Variants in SLC2A13 observed in about 807,000 individuals in gnomAD.
SLC2A13 encodes the protein proton myo-inositol cotransporter.
SLC2A13 carries 32 observed loss-of-function variants against 64.4 expected under a neutral mutation model. The ratio of observed to expected loss-of-function variants is 0.50; its 90% confidence interval spans 0.37 to 0.67. The LOEUF (loss-of-function observed/expected upper bound fraction) is 0.67. Among genes scored for constraint, SLC2A13 ranks in the 30% least tolerant of loss-of-function variants. The pLI, the probability that SLC2A13 is intolerant of heterozygous loss-of-function variation, is 0.00. For missense variants in SLC2A13, 743 were observed against 829.2 expected (o/e 0.90, Z 1.28); for synonymous variants, 338 against 327.1 (o/e 1.03, Z -0.36).
chr12:40,014,933 T>C (rs1947598858), intron 3 of SLC2A13, among the ~76,000 whole-genome samples: 1 of 152,206 alleles, frequency 6.6e-6, no homozygotes, highest in African/African-American at 2.4e-5. Flanking sequence ...GGAAAAATAA[T>C]TTTCTAAGAC....
intron 2 of SLC2A13, among the ~76,000 whole-genome samples, chr12:40,032,240 G>A (rs1051126750): frequency 6.6e-6 from 1 of 152,136 alleles, no homozygotes; most frequent in Non-Finnish European, 1.5e-5. Context: ...TGAACAACAA[G>A]CACCCAAGGT....
chr12:39,936,462 C>G (rs968230123), intron 4 of SLC2A13, among the ~76,000 whole-genome samples: 1 of 152,182 alleles, frequency 6.6e-6, no homozygotes, highest in African/African-American at 2.4e-5. Context: ...GAGCAAGTGA[C>G]TCTCTAGTTT....
chr12:39,788,345 A>T (rs1300788991), intron 7 of SLC2A13, among the ~76,000 whole-genome samples: 1 of 152,160 alleles, frequency 6.6e-6, no homozygotes, highest in East Asian at 1.9e-4. Flanking sequence ...AGTAACAAAT[A>T]AGGGTTACTT....
At chr12:39,781,222 C>T (rs1258327357) in intron 7 of SLC2A13, among the ~76,000 whole-genome samples, 2 of 152,192 alleles carry the variant, frequency 1.3e-5, no homozygotes, top group African/African-American at 4.8e-5. Flanking sequence ...GAGTTTTCTA[C>T]CAGTTCGGTG....
At position 39,759,965 on chromosome 12, in the gene SLC2A13, C is replaced by T. The variant is rs573078930; in HGVS notation, c.*61G>A. On this transcript the variant is annotated 3_prime_UTR_variant, in exon 10 of 10. Coordinates refer to ENST00000280871, the MANE Select transcript of SLC2A13 (RefSeq NM_052885.4). ...GATTAGAAGCAGGGCAGTGAAGTCA[C>T]CAATTGCTGTTCTTCTCCCCCCAGT... 372 of 1,302,366 alleles carry T rather than the reference C, an allele frequency of 2.9e-4. No homozygotes were observed. Among genetic ancestry groups the T allele is most frequent in the Non-Finnish European group, 1.8e-4 (163 of 910,078 alleles). 80.7% of individuals were successfully genotyped at this position (1,302,366 alleles called of 1,614,324 possible).
intron 1 of SLC2A13, 24 bp from the exon 2 acceptor site, chr12:40,048,234 T>G: frequency 6.3e-7 from 1 of 1,580,096 alleles, no homozygotes; most frequent in South Asian, 1.2e-5. Flanking sequence ...GAAAAGTAAA[T>G]GTGAGACATT....
At chr12:39,785,353 C>T (rs1041780750) in intron 7 of SLC2A13, among the ~76,000 whole-genome samples, 1 of 152,226 alleles carries the variant, frequency 6.6e-6, no homozygotes, top group Admixed American at 6.5e-5. Context: ...AGCCCTAAGC[C>T]TTGGCAGCTT....
chr12:40,099,388 T>C (rs536459884), intron 1 of SLC2A13, among the ~76,000 whole-genome samples: 16 of 152,102 alleles, frequency 1.1e-4, no homozygotes, highest in African/African-American at 3.4e-4. Context: ...AAAAAGAAAA[T>C]TAGACTCAGG....
intron 1 of SLC2A13, among the ~76,000 whole-genome samples, chr12:40,094,009 T>G (rs1020101471): frequency 1.3e-5 from 2 of 152,144 alleles, no homozygotes; most frequent in African/African-American, 4.8e-5. Context: ...AGCAGACTCT[T>G]GAAATACTCC....
intron 7 of SLC2A13, among the ~76,000 whole-genome samples, chr12:39,827,320 T>C (rs1942723434): frequency 6.6e-6 from 1 of 152,168 alleles, no homozygotes. Context: ...TTTCCATTTG[T>C]AGTCCCAAAT....
Position 40,028,517 on chromosome 12 carries a change from G to A in SLC2A13, c.717-8C>T, listed in dbSNP as rs1565596408. 1.9e-6 allele frequency: 3 copies of A among 1,607,270 alleles called. No homozygotes were observed. The highest frequency in any genetic ancestry group is 1.7e-6 in the Non-Finnish European group (2 of 1,178,048). On this transcript the variant is annotated splice_region_variant and splice_polypyrimidine_tract_variant and intron_variant, in intron 2 of 9. Transcript: ENST00000280871. ...GCAAGTCCCAACATGTACCTGCAAA[G>A]AAAAAAAATCCACATTTACTGTAAA...
At chr12:39,889,796 T>C (rs1433279741) in intron 4 of SLC2A13, among the ~76,000 whole-genome samples, 4 of 152,080 alleles carry the variant, frequency 2.6e-5, no homozygotes, top group Non-Finnish European at 4.4e-5. Flanking sequence ...TCCCAAAGTG[T>C]TGGGATTACA....
At chr12:40,002,584 T>A (rs1010433148) in intron 3 of SLC2A13, among the ~76,000 whole-genome samples, 2 of 152,152 alleles carry the variant, frequency 1.3e-5, no homozygotes, top group African/African-American at 4.8e-5. Flanking sequence ...GAACAAATGA[T>A]CTTCAATTCA....
chr12:39,905,809 A>C (rs2136028292), intron 4 of SLC2A13, among the ~76,000 whole-genome samples: 1 of 125,530 alleles, frequency 8.0e-6, no homozygotes, highest in African/African-American at 3.0e-5. Context: ...CTAGGCCTTT[A>C]TTAAAATGCC....
At chr12:39,871,431 A>G (rs891751842) in intron 5 of SLC2A13, among the ~76,000 whole-genome samples, 1 of 152,100 alleles carries the variant, frequency 6.6e-6, no homozygotes, top group Admixed American at 6.5e-5. Flanking sequence ...TTAAAAATAT[A>G]TGTTAAAAAG....
chr12:40,024,873 G>A (rs191199005), intron 3 of SLC2A13, among the ~76,000 whole-genome samples: 83 of 152,216 alleles, frequency 5.5e-4, no homozygotes, highest in African/African-American at 1.9e-3. Flanking sequence ...AAAAGAAACT[G>A]AGGCGCGGCA....
chr12:39,917,670 G>A lies in SLC2A13; in HGVS notation c.1034+33587C>T, dbSNP rs149361059. Among the ~76,000 whole-genome samples, 14 of 152,046 alleles carry A rather than the reference G, an allele frequency of 9.2e-5. 1 individual carries two copies. The highest frequency in any genetic ancestry group is 2.2e-4 in the African/African-American group (9 of 41,434). Reference sequence around the variant, plus strand: ...TGCCCTGGGACTGGGATTTACATCCGTGGCCTTGTTTGCAGGTTTTCGGAC... The same window carrying A: ...TGCCCTGGGACTGGGATTTACATCCATGGCCTTGTTTGCAGGTTTTCGGAC... On this transcript the variant is annotated intron_variant, in intron 4 of 9. Coordinates refer to ENST00000280871, the MANE Select transcript of SLC2A13 (RefSeq NM_052885.4).
chr12:39,776,281 C>T (rs1940774156), intron 7 of SLC2A13, among the ~76,000 whole-genome samples: 2 of 152,232 alleles, frequency 1.3e-5, no homozygotes, highest in Admixed American at 1.3e-4. Flanking sequence ...ACACTGCTTC[C>T]CCGCTTAGGA....
chr12:39,951,604 T>A (rs774245938), intron 3 of SLC2A13, among the ~76,000 whole-genome samples: 10 of 152,198 alleles, frequency 6.6e-5, no homozygotes, highest in Non-Finnish European at 1.0e-4. Flanking sequence ...AATTTAAGTT[T>A]AAGCAATTTA....
Sources: allele counts gnomAD v4.1 joint callset (sites outside exome capture counted in the v4.1 genomes callset), GRCh38; gene constraint gnomAD v4.1.1; transcripts MANE v1.5; gene names NCBI Gene and HGNC (gene_info 2026-07-23, HGNC 2026-07-21).